Variants in SLC25A21 observed in about 807,000 individuals in gnomAD.
The protein encoded by SLC25A21 is mitochondrial 2-oxodicarboxylate carrier.
Under a neutral mutation model 43.8 loss-of-function variants are expected in SLC25A21, and 47 were observed. That is an observed-to-expected ratio of 1.07 (90% CI 0.85 to 1.37). SLC25A21 has a LOEUF of 1.37. Among genes scored for constraint, SLC25A21 ranks in the 40% most tolerant of loss-of-function variants. The pLI, the probability that SLC25A21 is intolerant of heterozygous loss-of-function variation, is 0.00. For missense variants in SLC25A21, 352 were observed against 350.2 expected, an observed-to-expected ratio of 1.00 and a Z score of -0.04; for synonymous variants, 131 against 121.3, an observed-to-expected ratio of 1.08 and a Z score of -0.52.
At chr14:36,989,954 T>C (rs180675878) in intron 1 of SLC25A21, among the ~76,000 whole-genome samples, 19 of 152,324 alleles carry the variant, frequency 1.2e-4, no homozygotes, top group African/African-American at 4.3e-4. Flanking sequence ...TTGATATTTA[T>C]CTTAAACCTC....
At chr14:36,937,296 T>A (rs1892447333) in intron 1 of SLC25A21, among the ~76,000 whole-genome samples, 1 of 152,152 alleles carries the variant, frequency 6.6e-6, no homozygotes, top group Non-Finnish European at 1.5e-5. Flanking sequence ...AGTGAACAAG[T>A]ACTCCCTAGC....
At chr14:36,890,269 G>A (rs1043394645) in intron 1 of SLC25A21, among the ~76,000 whole-genome samples, 1 of 152,134 alleles carries the variant, frequency 6.6e-6, no homozygotes, top group Admixed American at 6.6e-5. Context: ...TGTCATTTTT[G>A]TCTACTGACA....
At chr14:36,828,614 G>C (rs899140509) in intron 2 of SLC25A21, 1 of 152,142 alleles carries the variant, frequency 6.6e-6, no homozygotes, top group Non-Finnish European at 1.5e-5. Context: ...CTACTTCTAC[G>C]GGTTAAATTG....
chr14:36,730,463 G>A (rs746999844), intron 4 of SLC25A21, among the ~76,000 whole-genome samples: 1 of 152,064 alleles, frequency 6.6e-6, no homozygotes, highest in Non-Finnish European at 1.5e-5. Flanking sequence ...AATGTTATAG[G>A]TATTATATGG....
intron 1 of SLC25A21, among the ~76,000 whole-genome samples, chr14:36,978,737 T>C (rs1017347425): frequency 5.3e-5 from 8 of 152,314 alleles, no homozygotes; most frequent in Non-Finnish European, 1.0e-4. Flanking sequence ...TTGTATACCA[T>C]TTAGACTTGG....
At chr14:36,690,327 A>G (rs1216366100) in intron 7 of SLC25A21, among the ~76,000 whole-genome samples, 1 of 152,228 alleles carries the variant, frequency 6.6e-6, no homozygotes, top group Non-Finnish European at 1.5e-5. Flanking sequence ...AAAAGTGTAC[A>G]CAAAATGTAT....
At chr14:36,960,293 A>G (rs1272658844) in intron 1 of SLC25A21, among the ~76,000 whole-genome samples, 1 of 152,146 alleles carries the variant, frequency 6.6e-6, no homozygotes, top group Non-Finnish European at 1.5e-5. Flanking sequence ...GTGACTGAGA[A>G]AATTATCTGG....
chr14:36,864,517 A>C (rs938186608), intron 2 of SLC25A21, among the ~76,000 whole-genome samples: 2 of 152,242 alleles, frequency 1.3e-5, no homozygotes, highest in Non-Finnish European at 2.9e-5. Flanking sequence ...GCTTGGGCTT[A>C]GAAATTACAA....
At chr14:36,963,954 T>C (rs570321721) in intron 1 of SLC25A21, among the ~76,000 whole-genome samples, 42 of 152,332 alleles carry the variant, frequency 2.8e-4, no homozygotes, top group South Asian at 1.4e-3. Context: ...ACCTTTTTTT[T>C]TGAAATTGTA....
chr14:37,015,700 C>T (rs1050024471), intron 1 of SLC25A21, among the ~76,000 whole-genome samples: 21 of 151,548 alleles, frequency 1.4e-4, no homozygotes, highest in African/African-American at 5.1e-4. Context: ...CTCTCCAGCA[C>T]CTGTTGTTTC....
At chr14:36,972,057 C>T (rs114522416) in intron 1 of SLC25A21, among the ~76,000 whole-genome samples, 47 of 152,128 alleles carry the variant, frequency 3.1e-4, no homozygotes, top group African/African-American at 9.9e-4. Context: ...ATAATGGTCC[C>T]GTAAGATTAT....
chr14:37,047,893 C>T (rs1961622196), intron 1 of SLC25A21, among the ~76,000 whole-genome samples: 1 of 152,152 alleles, frequency 6.6e-6, no homozygotes. Context: ...AACATATTAA[C>T]AGCACAGAAC....
chr14:36,692,881 C>T (rs1367942842), intron 7 of SLC25A21, among the ~76,000 whole-genome samples: 1 of 152,218 alleles, frequency 6.6e-6, no homozygotes, highest in African/African-American at 2.4e-5. Context: ...GCAATTAAGT[C>T]ACCCTTTAAT....
intron 1 of SLC25A21, among the ~76,000 whole-genome samples, chr14:37,036,695 C>T (rs2138776551): frequency 6.6e-6 from 1 of 152,328 alleles, no homozygotes; most frequent in Admixed American, 6.5e-5. Flanking sequence ...ACCCATTCCC[C>T]ACACTTCCAA....
chr14:36,715,890 G>A (rs969736429), intron 6 of SLC25A21, among the ~76,000 whole-genome samples: 3 of 151,964 alleles, frequency 2.0e-5, no homozygotes, highest in African/African-American at 7.3e-5. Context: ...TCAGGAGTGC[G>A]AGACCAGCTG....
chr14:37,112,275 C>T (rs1041333706), intron 1 of SLC25A21, among the ~76,000 whole-genome samples: 2 of 152,030 alleles, frequency 1.3e-5, no homozygotes, highest in African/African-American at 2.4e-5. Flanking sequence ...TTGTAGGACA[C>T]GGACCACTGG....
At chr14:36,898,692 TTATATGAGAAACC>T (rs960771036) in intron 1 of SLC25A21, among the ~76,000 whole-genome samples, 6 of 152,082 alleles carry the variant, frequency 3.9e-5, no homozygotes, top group African/African-American at 1.4e-4. Flanking sequence ...CCAATCTCAC[TTATATGAGAAACC>T]TAAAACAGCT....
intron 1 of SLC25A21, among the ~76,000 whole-genome samples, chr14:37,072,072 C>T (rs568032859): frequency 6.6e-6 from 1 of 150,844 alleles, no homozygotes; most frequent in Non-Finnish European, 1.5e-5. Flanking sequence ...ATCCCAGCTA[C>T]TCAGGAGGCC....
chr14:36,754,743 AAG>A (rs1885860635), intron 3 of SLC25A21, among the ~76,000 whole-genome samples: 1 of 151,874 alleles, frequency 6.6e-6, no homozygotes, highest in African/African-American at 2.4e-5. Flanking sequence ...GAGAAAAAAA[AAG>A]AGATAAAAGT....
Sources: allele counts gnomAD v4.1 joint callset (sites outside exome capture counted in the v4.1 genomes callset), GRCh38; gene constraint gnomAD v4.1.1; transcripts MANE v1.5; gene names NCBI Gene and HGNC (gene_info 2026-07-23, HGNC 2026-07-21).